The following PCSK5 variants were observed in gnomAD, a reference collection of about 807,000 sequenced individuals.
PCSK5 encodes prohormone convertase 5.
A neutral mutation model predicts 233.2 loss-of-function variants in PCSK5; 129 were observed. The ratio of observed to expected loss-of-function variants is 0.55; its 90% confidence interval spans 0.48 to 0.64. The LOEUF (loss-of-function observed/expected upper bound fraction) is 0.64, where lower values mean the gene tolerates loss of function less well. PCSK5 is among the 30% of genes least tolerant of loss of function. The pLI is 0.00. For synonymous variants in PCSK5, 825 were observed against 879.2 expected (o/e 0.94, Z 1.09); for missense variants, 2,076 against 2,430.1 (o/e 0.85, Z 3.06).
At chr9:76,126,181 A>ATGTGTGTGTGTGTGTGTG (rs71499131) in intron 9 of PCSK5, among the ~76,000 whole-genome samples, 161 of 150,556 alleles carry the variant, frequency 1.1e-3, no homozygotes, top group African/African-American at 2.4e-3. Context: ...GTGTGTGTGT[A>ATGTGTGTGTGTGTGTGTG]TGTGTGTGTG....
intron 10 of PCSK5, among the ~76,000 whole-genome samples, chr9:76,155,061 T>TA (rs1823830487): frequency 6.6e-6 from 1 of 152,290 alleles, no homozygotes; most frequent in Non-Finnish European, 1.5e-5. Context: ...CTTTTTAATT[T>TA]AAAAAAATAA....
At chr9:75,976,665 C>A (rs1011987378) in intron 2 of PCSK5, among the ~76,000 whole-genome samples, 1 of 151,058 alleles carries the variant, frequency 6.6e-6, no homozygotes, top group Non-Finnish European at 1.5e-5. Flanking sequence ...TTACTAGCAG[C>A]CAAGATGGGT....
chr9:76,318,590 A>G (rs1829101425), intron 30 of PCSK5, among the ~76,000 whole-genome samples: 1 of 152,188 alleles, frequency 6.6e-6, no homozygotes, highest in African/African-American at 2.4e-5. Context: ...GATTTCTACA[A>G]TGGGATAGTT....
chr9:75,989,205 C>G (rs530712197), intron 3 of PCSK5, among the ~76,000 whole-genome samples: 2 of 152,308 alleles, frequency 1.3e-5, no homozygotes, highest in South Asian at 2.1e-4. Context: ...CAGTCAAACT[C>G]TCCTCAACTG....
chr9:76,130,625 T>C (rs1822725630), intron 9 of PCSK5, among the ~76,000 whole-genome samples: 1 of 152,230 alleles, frequency 6.6e-6, no homozygotes, highest in African/African-American at 2.4e-5. Context: ...AGATGTTGGT[T>C]ATTACTATGA....
At chr9:76,355,979 T>C (rs990826173) in intron 37 of PCSK5, among the ~76,000 whole-genome samples, 3 of 152,140 alleles carry the variant, frequency 2.0e-5, no homozygotes, top group South Asian at 2.1e-4. Context: ...GCTGAGATTA[T>C]AGGCGTGAGC....
intron 17 of PCSK5, among the ~76,000 whole-genome samples, chr9:76,188,263 T>G (rs1824196882): frequency 6.6e-6 from 1 of 152,126 alleles, no homozygotes; most frequent in Admixed American, 6.6e-5. Flanking sequence ...AATCAAATAC[T>G]TTTTAAAACC....
Position 76,159,101 on chromosome 9 carries a change from C to T in PCSK5, c.1549C>T (p.Pro517Ser). Residue 517 changes from proline to serine, a missense_variant, in exon 12 of 38, where the codon CCC (proline) becomes TCC (serine). By Grantham distance (74) the Pro-to-Ser change is moderately conservative (BLOSUM62 -1). Coordinates refer to ENST00000674117, the MANE Select transcript of PCSK5 (RefSeq NM_001372043.1). Reference protein sequence around the residue: ...HVVVRITITHPRRGDLAIYLT... With the variant: ...HVVVRITITHSRRGDLAIYLT... ...CGTTGTGCGCATCACCATCACCCAC[C>T]CCAGGAGAGGAGACCTGGCCATCTA... 1 of 1,614,144 alleles carries T rather than the reference C, an allele frequency of 6.2e-7. No individual in the cohort carries two copies.
intron 12 of PCSK5, among the ~76,000 whole-genome samples, chr9:76,167,261 G>A (rs1455470732): frequency 6.6e-6 from 1 of 152,186 alleles, no homozygotes; most frequent in Non-Finnish European, 1.5e-5. Context: ...AGAGAGAATA[G>A]GCTTCATGTC....
At chr9:76,265,597 T>C (rs921692002) in intron 24 of PCSK5, among the ~76,000 whole-genome samples, 1 of 152,124 alleles carries the variant, frequency 6.6e-6, no homozygotes, top group Non-Finnish European at 1.5e-5. Context: ...GGAGAGTAGA[T>C]AAATGTATTT....
At chr9:76,263,231 G>C (rs1242637316) in intron 24 of PCSK5, among the ~76,000 whole-genome samples, 4 of 152,070 alleles carry the variant, frequency 2.6e-5, no homozygotes, top group African/African-American at 9.7e-5. Flanking sequence ...GATTCCTCAG[G>C]GATCTAGAAC....
intron 5 of PCSK5, among the ~76,000 whole-genome samples, chr9:76,042,619 G>A (rs895351579): frequency 6.6e-5 from 10 of 152,020 alleles, no homozygotes; most frequent in African/African-American, 2.4e-4. Flanking sequence ...TCACGCCACG[G>A]CATGCCAGCC....
At chr9:76,180,512 G>T (rs1823816276) in intron 15 of PCSK5, among the ~76,000 whole-genome samples, 1 of 152,054 alleles carries the variant, frequency 6.6e-6, no homozygotes, top group African/African-American at 2.4e-5. Flanking sequence ...AGCCCCTGGT[G>T]TCTGCTTGAG....
intron 2 of PCSK5, among the ~76,000 whole-genome samples, chr9:75,937,979 A>T (rs567678457): frequency 6.6e-6 from 1 of 152,206 alleles, no homozygotes; most frequent in African/African-American, 2.4e-5. Context: ...TATCCAGACC[A>T]CAAAAACTTT....
chr9:76,111,913 A>T (rs901151579), intron 9 of PCSK5, among the ~76,000 whole-genome samples: 8 of 152,162 alleles, frequency 5.3e-5, no homozygotes, highest in African/African-American at 1.9e-4. Context: ...CTGTTAAATG[A>T]TGTTTTCTAT....
intron 20 of PCSK5, among the ~76,000 whole-genome samples, chr9:76,200,885 C>G (rs546771676): frequency 6.6e-6 from 1 of 152,264 alleles, no homozygotes; most frequent in East Asian, 1.9e-4. Context: ...TGTCATCAAC[C>G]CTCTTTTCAG....
intron 20 of PCSK5, among the ~76,000 whole-genome samples, chr9:76,227,008 G>A (rs959220501): frequency 6.6e-6 from 1 of 152,096 alleles, no homozygotes. Flanking sequence ...ATCACCCAAT[G>A]TCAGCCAAGA....
intron 9 of PCSK5, among the ~76,000 whole-genome samples, chr9:76,130,890 G>T (rs1822738952): frequency 1.3e-5 from 2 of 152,132 alleles, no homozygotes; most frequent in Non-Finnish European, 1.5e-5. Context: ...GGGAGATGTT[G>T]TTCTTTTCTC....
intron 35 of PCSK5, among the ~76,000 whole-genome samples, chr9:76,347,495 G>A (rs952094465): frequency 1.3e-5 from 2 of 152,174 alleles, no homozygotes; most frequent in African/African-American, 4.8e-5. Flanking sequence ...TGTAGGAGAT[G>A]TAAATGAAGG....
Sources: allele counts gnomAD v4.1 joint callset (sites outside exome capture counted in the v4.1 genomes callset), GRCh38; gene constraint gnomAD v4.1.1; transcripts MANE v1.5; gene names NCBI Gene and HGNC (gene_info 2026-07-23, HGNC 2026-07-21).